The following HAL variants were observed in gnomAD, a reference collection of about 807,000 sequenced individuals.
The protein encoded by HAL is histidase.
A neutral mutation model predicts 81.1 loss-of-function variants in HAL; 85 were observed. That is an observed-to-expected ratio of 1.05 (90% confidence interval 0.88 to 1.25). The LOEUF (loss-of-function observed/expected upper bound fraction) is 1.25. HAL is among the 50% of genes most tolerant of loss of function. HAL has a pLI of 0.00. For missense variants in HAL, 798 were observed against 836.6 expected (o/e 0.95, Z 0.57); for synonymous variants, 301 against 309.2 (o/e 0.97, Z 0.28).
chr12:95,983,762 G>A, intron 15 of HAL, 149 bp downstream of exon 15: 1 of 671,070 alleles, frequency 1.5e-6, no homozygotes, highest in Non-Finnish European at 2.7e-6. Context: ...GAGAAAGTCA[G>A]TTAACCTCTG....
chr12:95,989,614 G>A (rs552311799), intron 10 of HAL: 3 of 153,360 alleles, frequency 2.0e-5, no homozygotes, highest in Admixed American at 1.9e-4. Context: ...TTATCCTGAG[G>A]ACAATGGGAA....
chr12:95,977,790 G>T (rs3764037), intron 18 of HAL, among the ~76,000 whole-genome samples, 154 bp downstream of exon 18: 70,330 of 151,862 alleles, frequency 0.46, 17,077 homozygotes, highest in Admixed American at 0.64. Flanking sequence ...CTCCTGGAGT[G>T]TCTGAATTAG....
chr12:95,995,057 C>G, intron 2 of HAL, 64 bp from the exon 3 acceptor site: 1 of 1,232,432 alleles, frequency 8.1e-7, no homozygotes, highest in Non-Finnish European at 1.2e-6. Context: ...CCCTGTTAAA[C>G]CAAGGAACGG....
At position 95,974,069 on chromosome 12, in the gene HAL, C is replaced by T. The variant is rs1191091162; in HGVS notation, c.*163G>A. The T allele has an allele frequency of 6.9e-6, 5 of 725,606 alleles. No individual in the cohort carries two copies. The highest frequency in any genetic ancestry group is 1.7e-5 in the African/African-American group (1 of 57,380). 44.9% of individuals were successfully genotyped at this position (725,606 alleles called of 1,614,324 possible). A position where few individuals can be genotyped will look rare whatever the true frequency, so the allele number is the denominator to read the frequency against. On this transcript the variant is annotated 3_prime_UTR_variant, in exon 21 of 21. Coordinates refer to ENST00000261208, the MANE Select transcript of HAL (RefSeq NM_002108.4). ...AACAGGAACACAGTGCTGAATTTAG[C>T]AACTATAATACTGCCATCAGCCTAA...
intron 10 of HAL, chr12:95,990,039 C>T: frequency 2.7e-6 from 1 of 364,510 alleles, no homozygotes; most frequent in Admixed American, 3.7e-5. Context: ...TGCTATGAGC[C>T]ATACCACTGC....
chr12:95,976,645 T>TG lies in HAL; in HGVS notation c.1715dup (p.Thr573AsnfsTer9). The TG allele has an allele frequency of 6.2e-7, 1 of 1,613,524 alleles. No individual in the cohort carries two copies. Among genetic ancestry groups the TG allele is most frequent in the South Asian group, 1.1e-5 (1 of 91,072 alleles). ...CATAGACCTTCTCCAGCGGAGTGGTTGTTTTCAGGGGACGTAGAAACTCTA... is the reference window on the plus strand; with the variant it reads ...CATAGACCTTCTCCAGCGGAGTGGTTGGTTTTCAGGGGACGTAGAAACTCTA... On this transcript the variant is annotated frameshift_variant, in exon 19 of 21. Coordinates refer to ENST00000261208, the MANE Select transcript of HAL (RefSeq NM_002108.4). LOFTEE classifies it high-confidence loss of function.
At chr12:95,981,651 G>C (rs2080796349) in intron 15 of HAL, among the ~76,000 whole-genome samples, 1 of 152,140 alleles carries the variant, frequency 6.6e-6, no homozygotes, top group African/African-American at 2.4e-5. Flanking sequence ...GTAGAGACAG[G>C]GTTTTGCCAT....
At chr12:95,976,978 C>A (rs2080728628) in intron 18 of HAL, among the ~76,000 whole-genome samples, 1 of 152,222 alleles carries the variant, frequency 6.6e-6, no homozygotes, top group African/African-American at 2.4e-5. Flanking sequence ...GCTGCCCATT[C>A]ATCTGCACTA....
At chr12:95,988,263 A>G (rs1490876746) in intron 10 of HAL, 23 bp from the exon 11 acceptor site, 1 of 1,254,204 alleles carries the variant, frequency 8.0e-7, no homozygotes, top group Non-Finnish European at 1.2e-6. Context: ...TAAAAATATG[A>G]AAATGGGTAT....
chr12:95,992,044 T>C (rs776008500), intron 9 of HAL, among the ~76,000 whole-genome samples: 3 of 152,222 alleles, frequency 2.0e-5, no homozygotes, highest in Admixed American at 6.5e-5. Flanking sequence ...CCTAGAAGGC[T>C]TGTCCTTACC....
At chr12:95,985,512 C>A (rs1259753518) in intron 14 of HAL, among the ~76,000 whole-genome samples, 1 of 151,258 alleles carries the variant, frequency 6.6e-6, no homozygotes, top group Non-Finnish European at 1.5e-5. Context: ...ATCACTTGAA[C>A]CTGGGAGGTG....
Position 95,990,467 on chromosome 12 carries a change from A to G in HAL, c.781T>C (p.Ser261Pro), listed in dbSNP as rs761043977. ...VGASGDLAPLSHLALGLVGEG... is the reference protein window; with the variant it reads ...VGASGDLAPLPHLALGLVGEG... Reference sequence around the variant, plus strand: ...CCAACTAGCCCAAGAGCAAGATGAGAGAGTGGGGCAAGGTCTCCACTGGCA... The same window carrying G: ...CCAACTAGCCCAAGAGCAAGATGAGGGAGTGGGGCAAGGTCTCCACTGGCA... Residue 261 changes from serine (S) to proline (P), a missense_variant, in exon 10 of 21, where the codon TCT (serine) becomes CCT (proline). Ser to Pro is a moderately conservative substitution (Grantham distance 74). Transcript: ENST00000261208. 1 of 1,612,188 alleles carries G rather than the reference A, an allele frequency of 6.2e-7. No homozygotes were observed. Among genetic ancestry groups the G allele is most frequent in the South Asian group, 1.1e-5 (1 of 91,054 alleles).
intron 17 of HAL, 89 bp downstream of exon 17, chr12:95,980,467 C>A: frequency 7.8e-7 from 1 of 1,275,872 alleles, no homozygotes; most frequent in Non-Finnish European, 1.1e-6. Context: ...TTAGATCTCA[C>A]TCACAGACCA....
chr12:95,986,002 T>C, intron 13 of HAL, 36 bp from the exon 14 acceptor site: 2 of 1,590,762 alleles, frequency 1.3e-6, no homozygotes, highest in African/African-American at 1.3e-5. Flanking sequence ...ACAGGGATCA[T>C]GTTACCAATT....
chr12:95,991,267 TGTTTTA>T (rs1486734592), intron 9 of HAL, among the ~76,000 whole-genome samples: 1 of 152,224 alleles, frequency 6.6e-6, no homozygotes, highest in African/African-American at 2.4e-5. Context: ...TTTTTGTTTT[TGTTTTA>T]CAGTTCATTG....
Position 95,992,722 on chromosome 12 carries a change from T to C in HAL, c.673A>G (p.Ile225Val), listed in dbSNP as rs377384630. The change falls in exon 9 of 21, where the codon ATT becomes GTT. Residue 225 changes from isoleucine to valine, a missense_variant. Physicochemically the swap from Ile to Val is conservative, Grantham distance 29 (BLOSUM62 3). Transcript: ENST00000261208. Reference protein sequence around the residue: ...INVLAKGYSGISLETLKQVIE... With the variant: ...INVLAKGYSGVSLETLKQVIE... ...ACTTGTTTGAGGGTCTCCAGGGAAA[T>C]GCCACTGTATCCTTTGGCTAAGACA... is the stretch of plus-strand genomic sequence containing the variant. 2.5e-6 allele frequency: 4 copies of C among 1,612,756 alleles called. No homozygotes were observed. Among genetic ancestry groups the C allele is most frequent in the African/African-American group, 1.3e-5 (1 of 74,918 alleles).
Position 95,992,739 on chromosome 12 carries a change from G to A in HAL, c.656C>T (p.Ala219Val). Reference protein sequence around the residue: ...MLLALRINVLAKGYSGISLET... With the variant: ...MLLALRINVLVKGYSGISLET... ...CAGGGAAATGCCACTGTATCCTTTG[G>A]CTAAGACATTGATCCTTAAAGCCAA... The change falls in exon 9 of 21, where the codon GCC becomes GTC. Residue 219 changes from alanine (A) to valine (V), a missense_variant. By Grantham distance (64) the Ala-to-Val change is moderately conservative. Coordinates refer to ENST00000261208, the MANE Select transcript of HAL (RefSeq NM_002108.4). 6.2e-7 allele frequency: 1 copy of A among 1,612,406 alleles called. No individual in the cohort carries two copies. Among genetic ancestry groups the A allele is most frequent in the East Asian group, 2.2e-5 (1 of 44,864 alleles).
At chr12:95,992,847 C>A in intron 8 of HAL, 42 bp from the exon 9 acceptor site, 1 of 1,597,940 alleles carries the variant, frequency 6.3e-7, no homozygotes, top group South Asian at 1.1e-5. Context: ...AAAGCAAACT[C>A]CTTTTTGTCT....
At chr12:95,993,510 C>T in intron 7 of HAL, 22 bp from the exon 8 acceptor site, 1 of 1,519,986 alleles carries the variant, frequency 6.6e-7, no homozygotes, top group Non-Finnish European at 9.1e-7. Flanking sequence ...AGGTAAAAAC[C>T]CTCTTAGATA....
Sources: gnomAD v4.1 joint callset for allele counts (sites outside exome capture counted in the v4.1 genomes callset) on GRCh38, gnomAD v4.1.1 for gene constraint, MANE v1.5 for transcripts, NCBI Gene and HGNC (gene_info 2026-07-23, HGNC 2026-07-21) for gene names.